Variants in CAMSAP3 observed in about 807,000 individuals in gnomAD.
CAMSAP3 encodes the protein calmodulin-regulated spectrin-associated protein 3.
Under a neutral mutation model 112.5 loss-of-function variants are expected in CAMSAP3, and 34 were observed. The ratio of observed to expected loss-of-function variants is 0.30; its 90% CI spans 0.23 to 0.40. The LOEUF (loss-of-function observed/expected upper bound fraction) is 0.40, where lower values mean the gene tolerates loss of function less well. Ranked by LOEUF, CAMSAP3 falls within the 10% of genes least tolerant of loss-of-function variation. CAMSAP3 has a pLI of 1.00. For synonymous variants in CAMSAP3, 868 were observed against 799.8 expected (o/e 1.09, Z -1.44); for missense variants, 1,602 against 1,770.3 (o/e 0.90, Z 1.71).
Position 7,607,742 on chromosome 19 carries a change from C to A in CAMSAP3, c.622-384C>A, listed in dbSNP as rs1414682823. The A allele has an allele frequency of 7.1e-6, 4 of 562,140 alleles. No homozygotes were observed. In the South Asian group the frequency reaches 1.0e-4, roughly 14 times the overall value. 34.8% of individuals were successfully genotyped at this position (562,140 alleles called of 1,614,324 possible). ...CTCAGGACCAGGGTCAGGGCTACCC[C>A]CTCCCCCCCAAGGTGGGCTTGGGGG... On this transcript the variant is annotated intron_variant, in intron 4 of 16. Transcript: ENST00000160298. The surrounding 1 kb of genome is among the most constrained non-coding windows in gnomAD (Gnocchi z 4.9).
chr19:7,614,181 A>G (rs1599361279), intron 11 of CAMSAP3, among the ~76,000 whole-genome samples: 1 of 139,296 alleles, frequency 7.2e-6, no homozygotes, highest in Non-Finnish European at 1.5e-5. Flanking sequence ...AATGGCGTGA[A>G]CCCAGGAGGT....
Position 7,615,341 on chromosome 19 carries a change from G to A in CAMSAP3, c.2810+19G>A, listed in dbSNP as rs761357611. The A allele has an allele frequency of 1.1e-5, 17 of 1,537,410 alleles. No homozygotes were observed. In the African/African-American group the frequency reaches 1.8e-4, roughly 16 times the overall value. ...CCGCGAGGTGAGGCCGGGCCTGCCC[G>A]GGACGCCCGCTCCTTGGCCTGTCTG... On this transcript the variant is annotated intron_variant, in intron 12 of 16. Transcript: ENST00000160298. This position sits in a 1 kb window ranked among gnomAD's most constrained non-coding sequence, Gnocchi z 6.5.
At position 7,615,540 on chromosome 19, in the gene CAMSAP3, C is replaced by T. The variant is rs1454756784; in HGVS notation, c.2933C>T (p.Thr978Met). 3.3e-6 allele frequency: 5 copies of T among 1,532,546 alleles called. No individual in the cohort carries two copies. Among genetic ancestry groups the T allele is most frequent in the East Asian group, 2.5e-5 (1 of 40,508 alleles). 94.9% of individuals were successfully genotyped at this position (1,532,546 alleles called of 1,614,324 possible). A position where few individuals can be genotyped will look rare whatever the true frequency, so the allele number is the denominator to read the frequency against. Residue 978 changes from threonine to methionine, a missense_variant, in exon 13 of 17, where the codon ACG becomes ATG. By Grantham distance (81) the Thr-to-Met change is moderately conservative. Coordinates refer to ENST00000160298, the MANE Select transcript of CAMSAP3 (RefSeq NM_020902.2). The surrounding 1 kb of genome is among the most constrained non-coding windows in gnomAD (Gnocchi z 6.5). ...EEVGPRKGDF[T>M]RQEYERRAQL... ...GTGGGCCCCCGGAAGGGGGACTTCA[C>T]GCGGCAGGAGTACGAGCGCCGGGCC...
At position 7,617,332 on chromosome 19, in the gene CAMSAP3, C is replaced by T. The variant is rs577873429; in HGVS notation, c.3219C>T (p.Pro1073=). 9 of 1,613,546 alleles carry T rather than the reference C, an allele frequency of 5.6e-6. No individual in the cohort carries two copies. The East Asian group carries it at 2.0e-4, about 36-fold the overall frequency. The part of the protein sequence containing the change: ...LGVKRPTSRA[P]SPSGLMSPSR... ...CATCCTTCTCCCACTGCAGGGCTCC[C>T]TCCCCGTCAGGTCTCATGTCCCCAA... is the stretch of plus-strand genomic sequence containing the variant. The change falls in exon 15 of 17, where the codon CCC becomes CCT. Residue 1073 remains proline, a synonymous_variant. Transcript: ENST00000160298. This position sits in a 1 kb window ranked among gnomAD's most constrained non-coding sequence, Gnocchi z 7.5.
intron 14 of CAMSAP3, among the ~76,000 whole-genome samples, chr19:7,616,954 T>TTG (rs1555763723): frequency 8.0e-5 from 10 of 124,268 alleles, no homozygotes; most frequent in Admixed American, 2.3e-4. Flanking sequence ...TTTTTTTTTT[T>TTG]TTTTGTTTTT....
intron 2 of CAMSAP3, 137 bp from the exon 3 acceptor site, chr19:7,606,134 T>TGGG: frequency 1.5e-6 from 1 of 648,264 alleles, no homozygotes; most frequent in East Asian, 3.7e-5. Context: ...CATGAACCAC[T>TGGG]GGCCCCGCCC....
chr19:7,615,819 A>T lies in CAMSAP3; in HGVS notation c.3112+100A>T. The T allele has an allele frequency of 3.4e-5, 1 of 29,400 alleles. No homozygotes were observed. The highest frequency in any genetic ancestry group is 4.8e-5 in the Non-Finnish European group (1 of 20,944). The allele number at this position is 29,400 out of a possible 1,614,324, so 1.8% of individuals were successfully genotyped here. A position where few individuals can be genotyped will look rare whatever the true frequency, so the allele number is the denominator to read the frequency against. ...GGGGGAGGGGGAGGGAGATGTAAGC[A>T]GGGGTGCCGGGAGGGGGCGGGTATG... On this transcript the variant is annotated intron_variant, in intron 13 of 16. Coordinates refer to ENST00000160298, the MANE Select transcript of CAMSAP3 (RefSeq NM_020902.2). The surrounding 1 kb of genome is among the most constrained non-coding windows in gnomAD (Gnocchi z 6.5).
At position 7,618,108 on chromosome 19, in the gene CAMSAP3, C is replaced by T. The variant is rs573678755; in HGVS notation, c.*51C>T. The T allele has an allele frequency of 6.4e-6, 10 of 1,565,090 alleles. No homozygotes were observed. The South Asian group carries it at 9.2e-5, about 14-fold the overall frequency. On this transcript the variant is annotated 3_prime_UTR_variant, in exon 17 of 17. Transcript: ENST00000160298. The stretch of plus-strand genomic sequence containing the variant: ...GGCCCTGTGTGCTGCGGCCGCCATC[C>T]CCTGGAGGACAGTCAGTCGGTATTC...
intron 1 of CAMSAP3, among the ~76,000 whole-genome samples, chr19:7,599,371 C>G (rs1365614825): frequency 7.1e-6 from 1 of 141,720 alleles, no homozygotes; most frequent in Non-Finnish European, 1.5e-5. Context: ...CATCCACCCA[C>G]TCATCCATCC....
rs375051548 is a variant in CAMSAP3, at chr19:7,610,672, G to A, written c.901-28G>A. The A allele has an allele frequency of 9.6e-5, 155 of 1,613,726 alleles. No individual in the cohort carries two copies. The highest frequency in any genetic ancestry group is 1.1e-4 in the Non-Finnish European group (128 of 1,179,970). ...GCGGGCATCTGGGGCCAGGGGTCCC[G>A]TCTGCTGACCCGGCCTCCCACCTCC... is the stretch of plus-strand genomic sequence containing the variant. On this transcript the variant is annotated intron_variant, in intron 6 of 16. Coordinates refer to ENST00000160298, the MANE Select transcript of CAMSAP3 (RefSeq NM_020902.2). This position sits in a 1 kb window ranked among gnomAD's most constrained non-coding sequence, Gnocchi z 4.9.
intron 5 of CAMSAP3, among the ~76,000 whole-genome samples, chr19:7,609,552 G>C (rs964983886): frequency 9.2e-5 from 14 of 152,108 alleles, no homozygotes; most frequent in African/African-American, 3.4e-4. Context: ...TTGGCTCCAG[G>C]GACCGGTTTT....
chr19:7,606,870 A>C lies in CAMSAP3; in HGVS notation c.621+299A>C, dbSNP rs1329654602. The C allele has an allele frequency of 1.9e-6, 3 of 1,582,736 alleles. No homozygotes were observed. The African/African-American group carries it at 4.1e-5, about 21-fold the overall frequency. ...CCTGCTTGTAGCTCTGTCTGTCTGT[A>C]TGTCTGTTTCTGCCTGCCTGTCTGC... On this transcript the variant is annotated intron_variant, in intron 4 of 16. Coordinates refer to ENST00000160298, the MANE Select transcript of CAMSAP3 (RefSeq NM_020902.2).
intron 1 of CAMSAP3, among the ~76,000 whole-genome samples, chr19:7,598,208 A>G (rs1482667884): frequency 6.6e-6 from 1 of 152,160 alleles, no homozygotes; most frequent in African/African-American, 2.4e-5. Flanking sequence ...AAGAGATCCC[A>G]CAGGTGGAAA....
intron 2 of CAMSAP3, 99 bp from the exon 3 acceptor site, chr19:7,606,172 C>T: frequency 2.1e-6 from 1 of 482,868 alleles, no homozygotes; most frequent in African/African-American, 2.4e-5. Context: ...CCCGTCAAGT[C>T]CCTCCCATCT....
At chr19:7,598,425 A>G (rs1179888824) in intron 1 of CAMSAP3, among the ~76,000 whole-genome samples, 2 of 152,152 alleles carry the variant, frequency 1.3e-5, no homozygotes, top group Non-Finnish European at 2.9e-5. Context: ...CTGGGGAGCC[A>G]CGGACAGTGT....
In CAMSAP3 at chr19:7,610,970, G is replaced by T. The variant is rs1482305767; in HGVS notation, c.1049+39G>T. 1 of 1,575,872 alleles carries T rather than the reference G, an allele frequency of 6.3e-7. No homozygotes were observed. The highest frequency in any genetic ancestry group is 8.6e-7 in the Non-Finnish European group (1 of 1,156,256). ...ACTGGGCGAGTCTCTGGCATTGTGG[G>T]TGTGGGGCTCCATGTCTGCCTTGCT... On this transcript the variant is annotated intron_variant, in intron 8 of 16. Transcript: ENST00000160298. This position sits in a 1 kb window ranked among gnomAD's most constrained non-coding sequence, Gnocchi z 4.9.
intron 1 of CAMSAP3, among the ~76,000 whole-genome samples, chr19:7,596,846 C>T (rs1599336435): frequency 6.6e-6 from 1 of 152,180 alleles, no homozygotes; most frequent in South Asian, 2.1e-4. Flanking sequence ...CTGGGGTGGG[C>T]CCCCCGCTCC....
chr19:7,601,320 C>CT (rs146267016), intron 1 of CAMSAP3, among the ~76,000 whole-genome samples: 33 of 149,850 alleles, frequency 2.2e-4, no homozygotes, highest in South Asian at 4.2e-4. Flanking sequence ...CATTATATTT[C>CT]TTTTTTTTTT....
chr19:7,596,113 C>A lies in CAMSAP3; in HGVS notation c.111C>A (p.Ser37Arg). The change falls in exon 1 of 17, where the codon AGC (serine) becomes AGA (arginine). Residue 37 changes from serine (S) to arginine (R), a missense_variant. Around this residue, in one of 6 missense-constraint regions of CAMSAP3, gnomAD observed 147 missense variants for 144.6 expected, o/e 1.02. Coordinates refer to ENST00000160298, the MANE Select transcript of CAMSAP3 (RefSeq NM_020902.2). Reference protein sequence around the residue: ...YDFSRAKAAASLAWVLRAAFG... With the variant: ...YDFSRAKAAARLAWVLRAAFG... ...TCTCGCGGGCCAAGGCGGCGGCCAG[C>A]CTGGCGTGGGTGCTGCGGGCCGCGT... is the stretch of plus-strand genomic sequence containing the variant. 8.2e-7 allele frequency: 1 copy of A among 1,213,654 alleles called. No individual in the cohort carries two copies. Among genetic ancestry groups the A allele is most frequent in the East Asian group, 7.5e-5 (1 of 13,290 alleles). The allele number at this position is 1,213,654 out of a possible 1,614,324, so 75.2% of individuals were successfully genotyped here. A position where few individuals can be genotyped will look rare whatever the true frequency, so the allele number is the denominator to read the frequency against.
Sources: allele counts gnomAD v4.1 joint callset (sites outside exome capture counted in the v4.1 genomes callset), GRCh38; gene constraint gnomAD v4.1.1; regional missense constraint gnomAD v4.1.1; non-coding constraint Gnocchi (gnomAD v3.1); transcripts MANE v1.5; gene names NCBI Gene and HGNC (gene_info 2026-07-23, HGNC 2026-07-21).